Variants in CCDC154 observed in about 807,000 individuals in gnomAD.
CCDC154 encodes the protein coiled-coil domain containing 154.
Under a neutral mutation model 87.5 loss-of-function variants are expected in CCDC154, and 91 were observed. The ratio of observed to expected loss-of-function variants is 1.04; its 90% CI spans 0.88 to 1.24. The LOEUF (loss-of-function observed/expected upper bound fraction) is 1.24, where lower values mean the gene tolerates loss of function less well. Ranked by LOEUF, CCDC154 falls within the 50% of genes most tolerant of loss-of-function variation. The pLI is 0.00. For synonymous variants in CCDC154, 418 were observed against 400.4 expected (o/e 1.04, Z -0.52); for missense variants, 903 against 879.2 (o/e 1.03, Z -0.34).
rs552151361 is a variant in CCDC154, at chr16:1,443,199, C to T, written c.455+62G>A. 32 of 1,534,130 alleles carry T rather than the reference C, an allele frequency of 2.1e-5. No individual in the cohort carries two copies. In the East Asian group the frequency reaches 2.5e-4, roughly 12 times the overall value. On this transcript the variant is annotated intron_variant, in intron 4 of 16. Transcript: ENST00000389176. ...GATGTGGACCCCCCACCACACCTGC[C>T]GCTGCTTTCTCGCCACCACCTCCCC...
rs1030527485 is a variant in CCDC154 at position 1,438,894 on chromosome 16, C to A, written c.827G>T (p.Arg276Leu). Residue 276 changes from arginine to leucine, a missense_variant, in exon 8 of 17, where the codon CGG becomes CTG. Arg to Leu is a moderately radical substitution (Grantham distance 102). Coordinates refer to ENST00000389176, the MANE Select transcript of CCDC154 (RefSeq NM_001143980.3). The part of the protein sequence containing the change: ...SSRLKLEGSL[R>L]GELESRWEKL... ...CTCCCACCGGCTCTCCAGCTCGCCCCGCAGGCTGCCCTCCAGCTTCAGCCG... is the reference window on the plus strand; with the variant it reads ...CTCCCACCGGCTCTCCAGCTCGCCCAGCAGGCTGCCCTCCAGCTTCAGCCG... 6.5e-7 allele frequency: 1 copy of A among 1,549,602 alleles called. No homozygotes were observed. Among genetic ancestry groups the A allele is most frequent in the African/African-American group, 1.4e-5 (1 of 73,176 alleles).
intron 13 of CCDC154, 84 bp downstream of exon 13, chr16:1,436,361 T>G: frequency 2.6e-6 from 3 of 1,171,380 alleles, no homozygotes; most frequent in Non-Finnish European, 3.7e-6. Context: ...TACCAGGGGA[T>G]TGTGGAGAGT....
rs574311061 is a variant in CCDC154 at position 1,436,754 on chromosome 16, G to A, written c.1348C>T (p.Arg450Trp). 33 of 1,550,436 alleles carry A rather than the reference G, an allele frequency of 2.1e-5. No homozygotes were observed. Among genetic ancestry groups the A allele is most frequent in the South Asian group, 2.0e-4 (17 of 84,064 alleles). The change falls in exon 12 of 17, where the codon CGG (arginine) becomes TGG (tryptophan). Residue 450 changes from arginine to tryptophan, a missense_variant. Transcript: ENST00000389176. The part of the protein sequence containing the change: ...RKSLEDLARW[R>W]KEVTEHLRGV... ...CGCAGGTGTTCGGTCACCTCCTTCCGCCACCTGGCCAGGTCCTCCAGGGAC... is the reference window on the plus strand; with the variant it reads ...CGCAGGTGTTCGGTCACCTCCTTCCACCACCTGGCCAGGTCCTCCAGGGAC...
chr16:1,435,880 TG>T, intron 14 of CCDC154, 88 bp downstream of exon 14: 4 of 1,119,078 alleles, frequency 3.6e-6, no homozygotes, highest in Non-Finnish European at 5.1e-6. Context: ...CCCCGTAGGC[TG>T]GGGGTCCTGC....
chr16:1,441,156 C>A (rs1362280753), intron 6 of CCDC154, among the ~76,000 whole-genome samples: 1 of 152,180 alleles, frequency 6.6e-6, no homozygotes, highest in East Asian at 1.9e-4. Context: ...TTTGCTGCCT[C>A]TGGCCCTAGA....
intron 11 of CCDC154, chr16:1,437,587 G>A (rs117699424): frequency 0.059 from 29,914 of 509,916 alleles, 1,275 homozygotes; most frequent in South Asian, 0.14. Flanking sequence ...GCTCCAGCTC[G>A]GGCCTCACGG....
Position 1,434,443 on chromosome 16 carries a change from G to C in CCDC154, c.1969C>G (p.Gln657Glu), listed in dbSNP as rs2038479298. The C allele has an allele frequency of 1.3e-6, 2 of 1,550,232 alleles. No homozygotes were observed. Among genetic ancestry groups the C allele is most frequent in the Admixed American group, 2.0e-5 (1 of 50,986 alleles). The change falls in exon 17 of 17, where the codon CAG (glutamine) becomes GAG (glutamate). Residue 657 changes from glutamine to glutamate, a missense_variant. Physicochemically the swap from Gln to Glu is conservative, Grantham distance 29 (BLOSUM62 2). Coordinates refer to ENST00000389176, the MANE Select transcript of CCDC154 (RefSeq NM_001143980.3). ...ATAAACAGTGAGGGTGTGAGCTGCT[G>C]CACCTGCTCCTGGCTGTGGGGCTTC... ...LEKPHSQEQV[Q>E]QLTPSLFIQK
rs1179594968 is a variant in CCDC154, at chr16:1,438,741, C to A, written c.907-4G>T. The A allele has an allele frequency of 1.2e-5, 18 of 1,549,188 alleles. No homozygotes were observed. The highest frequency in any genetic ancestry group is 1.5e-5 in the Non-Finnish European group (17 of 1,146,416). On this transcript the variant is annotated splice_polypyrimidine_tract_variant and splice_region_variant and intron_variant, in intron 8 of 16. Coordinates refer to ENST00000389176, the MANE Select transcript of CCDC154 (RefSeq NM_001143980.3). The stretch of plus-strand genomic sequence containing the variant: ...ACTGCTCCAGGAGGTGGCTCTCCTG[C>A]CAGGGGGTGGAGGCCGCCCTGAGAC...
At chr16:1,436,276 G>A (rs1259284834) in intron 13 of CCDC154, among the ~76,000 whole-genome samples, 169 bp downstream of exon 13, 1 of 152,198 alleles carries the variant, frequency 6.6e-6, no homozygotes, top group Admixed American at 6.5e-5. Flanking sequence ...AGGCGCCTCA[G>A]AGGCTGCACC....
At chr16:1,443,385 A>G (rs2038574942) in intron 3 of CCDC154, 84 bp from the exon 4 acceptor site, 1 of 1,483,270 alleles carries the variant, frequency 6.7e-7, no homozygotes, top group Non-Finnish European at 9.0e-7. Flanking sequence ...CTCCGGCACC[A>G]CTGGCCCCTG....
chr16:1,434,640 A>C, intron 16 of CCDC154, 28 bp downstream of exon 16: 2 of 1,530,568 alleles, frequency 1.3e-6, no homozygotes, highest in Non-Finnish European at 1.8e-6. Context: ...AAGGCCCAGG[A>C]GGCCGCGCCG....
At chr16:1,442,750 G>T in intron 5 of CCDC154, 130 bp downstream of exon 5, 3 of 1,084,280 alleles carry the variant, frequency 2.8e-6, no homozygotes, top group Non-Finnish European at 3.9e-6. Flanking sequence ...CAGCACGCTT[G>T]GCACCGAGGG....
intron 11 of CCDC154, chr16:1,437,155 G>A (rs1367595334): frequency 4.1e-5 from 14 of 339,656 alleles, no homozygotes; most frequent in African/African-American, 1.1e-4. Context: ...AGCGGGAACC[G>A]GGGGGCGGCG....
At chr16:1,438,471 G>A (rs981476380) in intron 9 of CCDC154, 148 bp downstream of exon 9, 14 of 810,548 alleles carry the variant, frequency 1.7e-5, no homozygotes, top group Middle Eastern at 2.8e-4. Flanking sequence ...AGGAGGGTTC[G>A]CACCATCCAG....
In CCDC154 at chr16:1,436,729, C is replaced by T. The variant is rs978554617; in HGVS notation, c.1373G>A (p.Arg458Gln). 23 of 1,550,282 alleles carry T rather than the reference C, an allele frequency of 1.5e-5. No individual in the cohort carries two copies. Among genetic ancestry groups the T allele is most frequent in the Middle Eastern group, 3.3e-4 (2 of 6,012 alleles). Residue 458 changes from arginine to glutamine, a missense_variant, in exon 12 of 17, where the codon CGA (arginine) becomes CAA (glutamine). By Grantham distance (43) the Arg-to-Gln change is conservative. Coordinates refer to ENST00000389176, the MANE Select transcript of CCDC154 (RefSeq NM_001143980.3). ...RWRKEVTEHL[R>Q]GVREKVDGLP... ...GCCATCCACCTTCTCCCGCACCCCT[C>T]GCAGGTGTTCGGTCACCTCCTTCCG...
intron 13 of CCDC154, 123 bp downstream of exon 13, chr16:1,436,322 C>A: frequency 1.0e-6 from 1 of 982,614 alleles, no homozygotes; most frequent in Non-Finnish European, 1.5e-6. Context: ...GGGCCAGGCC[C>A]GGGCTCAGGG....
At position 1,443,989 on chromosome 16, in the gene CCDC154, CT is replaced by C. The variant is rs2142358735; in HGVS notation, c.30del (p.Ala12HisfsTer7). The C allele has an allele frequency of 7.7e-7, 1 of 1,301,324 alleles. No homozygotes were observed. The highest frequency in any genetic ancestry group is 5.5e-5 in the East Asian group (1 of 18,020). 80.6% of individuals were successfully genotyped at this position (1,301,324 alleles called of 1,614,324 possible). On this transcript the variant is annotated frameshift_variant, in exon 2 of 17. Coordinates refer to ENST00000389176, the MANE Select transcript of CCDC154 (RefSeq NM_001143980.3). LOFTEE classifies it high-confidence loss of function. ...CTCAGCTGGGAAGGGGCCGATGCCC[CT>C]GAGGGTCCACTGTCAGCCAACTCTA... MSELADSGPSGASAPSQLRA... is the reference protein window; with the variant it reads MSELADSGPXGASAPSQLRA...
chr16:1,440,145 GAAA>G (rs35755175), intron 6 of CCDC154, among the ~76,000 whole-genome samples: 10 of 102,322 alleles, frequency 9.8e-5, no homozygotes, highest in Admixed American at 3.5e-4. Flanking sequence ...GAGACTGTCA[GAAA>G]AAAAAAAAAA....
intron 3 of CCDC154, 50 bp from the exon 4 acceptor site, chr16:1,443,351 C>A (rs1257078531): frequency 6.5e-7 from 1 of 1,529,084 alleles, no homozygotes; most frequent in Non-Finnish European, 8.8e-7. Context: ...CCGGGTCTGG[C>A]ACCTGCCCCT....
Sources: gnomAD v4.1 joint callset for allele counts (sites outside exome capture counted in the v4.1 genomes callset) on GRCh38, gnomAD v4.1.1 for gene constraint, MANE v1.5 for transcripts, NCBI Gene and HGNC (gene_info 2026-07-23, HGNC 2026-07-21) for gene names.